ROBO2: variants seen among roughly 807,000 people sequenced by gnomAD.
The protein encoded by ROBO2 is roundabout homolog 2.
In ROBO2, 53 loss-of-function variants were observed where a neutral mutation model predicts 160.8. The ratio of observed to expected loss-of-function variants is 0.33; its 90% confidence interval spans 0.26 to 0.41. The LOEUF (loss-of-function observed/expected upper bound fraction) is 0.41, where lower values mean the gene tolerates loss of function less well. Ranked by LOEUF, ROBO2 falls within the 10% of genes least tolerant of loss-of-function variation. ROBO2 has a pLI of 1.00. For missense variants in ROBO2, 1,577 were observed against 1,722.4 expected (o/e 0.92, Z 1.49); for synonymous variants, 664 against 611.7 (o/e 1.09, Z -1.26).
At chr3:77,056,055 T>G (rs945844930) in intron 1 of ROBO2, among the ~76,000 whole-genome samples, 1 of 152,188 alleles carries the variant, frequency 6.6e-6, no homozygotes, top group Non-Finnish European at 1.5e-5. Flanking sequence ...AAAATTTCCT[T>G]CCGTGGGAAA....
intron 2 of ROBO2, among the ~76,000 whole-genome samples, chr3:76,179,283 T>C (rs1359077756): frequency 6.6e-6 from 1 of 152,078 alleles, no homozygotes; most frequent in Non-Finnish European, 1.5e-5. Context: ...TAACAGGTTA[T>C]CACAGTCTAC....
chr3:77,132,232 T>G (rs893721951), intron 2 of ROBO2, among the ~76,000 whole-genome samples: 12 of 152,128 alleles, frequency 7.9e-5, no homozygotes, highest in Non-Finnish European at 1.8e-4. Context: ...ATTGTAATAC[T>G]GTATGTCAGA....
At chr3:76,455,248 G>C (rs1276061179) in intron 2 of ROBO2, among the ~76,000 whole-genome samples, 1 of 152,008 alleles carries the variant, frequency 6.6e-6, no homozygotes, top group Non-Finnish European at 1.5e-5. Context: ...AATTAGTTTG[G>C]CACTGAGCTA....
chr3:76,925,446 C>T (rs2076935551), intron 2 of ROBO2, among the ~76,000 whole-genome samples: 1 of 151,890 alleles, frequency 6.6e-6, no homozygotes, highest in Non-Finnish European at 1.5e-5. Flanking sequence ...TTTTTTGAAG[C>T]CAGTTTTACT....
chr3:76,635,471 G>C (rs891914456), intron 2 of ROBO2, among the ~76,000 whole-genome samples: 1 of 152,152 alleles, frequency 6.6e-6, no homozygotes, highest in African/African-American at 2.4e-5. Flanking sequence ...TAGGAATGCC[G>C]GAAGAACTGA....
intron 2 of ROBO2, among the ~76,000 whole-genome samples, chr3:77,219,131 G>A (rs12635214): frequency 0.34 from 51,535 of 151,270 alleles, 10,097 homozygotes; most frequent in Middle Eastern, 0.52. Context: ...AGCACGCCCC[G>A]CTAATTTTTG....
intron 18 of ROBO2, 62 bp downstream of exon 19, chr3:77,595,246 T>G (rs1240105990): frequency 1.9e-5 from 23 of 1,222,326 alleles, no homozygotes; most frequent in Non-Finnish European, 2.8e-5. Flanking sequence ...GGAAACTCTA[T>G]AGTAAGAGCC....
intron 1 of ROBO2, among the ~76,000 whole-genome samples, chr3:75,923,003 C>A (rs2106849609): frequency 6.6e-6 from 1 of 152,300 alleles, no homozygotes; most frequent in Admixed American, 6.5e-5. Context: ...CTGTTGAAAG[C>A]AGCCTTTCAG....
chr3:77,141,351 A>G (rs1436118820), intron 2 of ROBO2, among the ~76,000 whole-genome samples: 3 of 150,950 alleles, frequency 2.0e-5, no homozygotes, highest in East Asian at 2.0e-4. Flanking sequence ...CCTTGGACGT[A>G]TATCTGTTCA....
intron 2 of ROBO2, among the ~76,000 whole-genome samples, chr3:77,008,010 A>G (rs1246298147): frequency 1.3e-5 from 2 of 152,154 alleles, no homozygotes; most frequent in Non-Finnish European, 2.9e-5. Context: ...TGAAAATTAC[A>G]TATTTTTAAA....
chr3:76,157,034 G>A (rs1164804653), intron 2 of ROBO2, among the ~76,000 whole-genome samples: 3 of 152,062 alleles, frequency 2.0e-5, no homozygotes, highest in Non-Finnish European at 2.9e-5. Context: ...GTGTGGATAT[G>A]TGTGTGGATA....
intron 2 of ROBO2, among the ~76,000 whole-genome samples, chr3:76,115,909 A>T (rs1353458321): frequency 1.3e-5 from 2 of 152,152 alleles, no homozygotes; most frequent in African/African-American, 4.8e-5. Flanking sequence ...ATTTCAAATT[A>T]TGCCATCCTA....
intron 2 of ROBO2, among the ~76,000 whole-genome samples, chr3:77,150,845 A>C (rs1319035348): frequency 6.6e-6 from 1 of 152,120 alleles, no homozygotes; most frequent in African/African-American, 2.4e-5. Context: ...ATGTGATTCT[A>C]TGACAGAATG....
At chr3:76,379,281 A>G (rs983144695) in intron 2 of ROBO2, among the ~76,000 whole-genome samples, 1 of 152,216 alleles carries the variant, frequency 6.6e-6, no homozygotes, top group African/African-American at 2.4e-5. Context: ...AAATTGTTCA[A>G]CTGAAAAATA....
In ROBO2 at chr3:77,293,893, C is replaced by T. The variant is rs564090771; in HGVS notation, c.389-183521C>T. Among the ~76,000 whole-genome samples, 126 of 134,042 alleles carry T rather than the reference C, an allele frequency of 9.4e-4. 8 individuals carry two copies. Among genetic ancestry groups the T allele is most frequent in the Non-Finnish European group, 1.5e-3 (96 of 65,110 alleles). The allele number at this position is 134,042 out of a possible 152,430, so 87.9% of individuals were successfully genotyped here. A position where few individuals can be genotyped will look rare whatever the true frequency, so the allele number is the denominator to read the frequency against. On this transcript the variant is annotated intron_variant, in intron 2 of 25. Transcript: ENST00000461745. The stretch of plus-strand genomic sequence containing the variant: ...ATGTAAAGTAAAATTGACGGCTAAA[C>T]GAGTAAGCTGCAGCTAGATCACCCC...
chr3:76,413,421 TC>T (rs2075597458), intron 2 of ROBO2, among the ~76,000 whole-genome samples: 1 of 152,212 alleles, frequency 6.6e-6, no homozygotes, highest in Admixed American at 6.5e-5. Context: ...CTGCACATTT[TC>T]CAAACTTTTA....
intron 2 of ROBO2, among the ~76,000 whole-genome samples, chr3:77,402,795 G>A (rs1266149857): frequency 2.6e-5 from 4 of 151,908 alleles, no homozygotes; most frequent in Admixed American, 2.0e-4. Flanking sequence ...GAAGTACGCC[G>A]GCACACGAAA....
intron 2 of ROBO2, among the ~76,000 whole-genome samples, chr3:76,012,502 A>C (rs928011893): frequency 3.3e-5 from 5 of 152,230 alleles, no homozygotes; most frequent in African/African-American, 1.2e-4. Flanking sequence ...AATTAATTCA[A>C]TAAGCATGTA....
intron 2 of ROBO2, among the ~76,000 whole-genome samples, chr3:77,314,750 T>C (rs2063825861): frequency 1.3e-5 from 2 of 152,156 alleles, no homozygotes; most frequent in African/African-American, 4.8e-5. Context: ...TATCAAGCCA[T>C]TGAGGATGGG....
Sources: allele counts gnomAD v4.1 joint callset (sites outside exome capture counted in the v4.1 genomes callset), GRCh38; gene constraint gnomAD v4.1.1; transcripts MANE v1.5; gene names NCBI Gene and HGNC (gene_info 2026-07-23, HGNC 2026-07-21).